Variants in LRRC4C observed in about 807,000 individuals in gnomAD.
LRRC4C encodes leucine-rich repeat-containing protein 4C.
In LRRC4C, 5 loss-of-function variants were observed where a neutral mutation model predicts 33.6. The observed-to-expected ratio is 0.15, with a 90% CI of 0.08 to 0.31. The LOEUF is 0.31. Ranked by LOEUF, LRRC4C falls within the 10% of genes least tolerant of loss-of-function variation. The pLI, the probability that LRRC4C is intolerant of heterozygous loss-of-function variation, is 1.00. For missense variants in LRRC4C, 560 were observed against 796.7 expected (o/e 0.70, Z 3.58); for synonymous variants, 329 against 302.0 (o/e 1.09, Z -0.93).
intron 1 of LRRC4C, among the ~76,000 whole-genome samples, chr11:40,962,290 C>A (rs949539398): frequency 6.6e-6 from 1 of 151,544 alleles, no homozygotes; most frequent in African/African-American, 2.4e-5. Context: ...AAAATAGATT[C>A]TCCCCTTCAT....
chr11:40,831,431 C>T (rs956778099), intron 2 of LRRC4C, among the ~76,000 whole-genome samples: 1 of 151,962 alleles, frequency 6.6e-6, no homozygotes, highest in Non-Finnish European at 1.5e-5. Context: ...CATTCCCCTC[C>T]TCAGAAGGTC....
chr11:41,193,318 A>G (rs1003954892), intron 1 of LRRC4C, among the ~76,000 whole-genome samples: 1 of 152,088 alleles, frequency 6.6e-6, no homozygotes, highest in African/African-American at 2.4e-5. Context: ...CCTAAAAACC[A>G]TCTGATTCAG....
chr11:41,456,473 C>A (rs1406528851), intron 1 of LRRC4C, among the ~76,000 whole-genome samples: 1 of 151,888 alleles, frequency 6.6e-6, no homozygotes, highest in Admixed American at 6.6e-5. Context: ...TACCCTGGGT[C>A]TTAAAAACAC....
At chr11:40,707,671 CT>C (rs57901852) in intron 2 of LRRC4C, among the ~76,000 whole-genome samples, 28,599 of 152,032 alleles carry the variant, frequency 0.19, 3,017 homozygotes, top group African/African-American at 0.27. Flanking sequence ...CTAAAATTCT[CT>C]TTTTTTGTTG....
chr11:40,147,068 T>C (rs553621773), intron 5 of LRRC4C, among the ~76,000 whole-genome samples: 103 of 152,320 alleles, frequency 6.8e-4, no homozygotes, highest in Non-Finnish European at 1.2e-3. Context: ...CCAAGTGTTC[T>C]CTTTACCAAA....
At chr11:41,410,257 T>C (rs1200494852) in intron 1 of LRRC4C, among the ~76,000 whole-genome samples, 1 of 152,202 alleles carries the variant, frequency 6.6e-6, no homozygotes, top group African/African-American at 2.4e-5. Context: ...ACAGGGTAGA[T>C]AACTTCATGG....
intron 2 of LRRC4C, among the ~76,000 whole-genome samples, chr11:40,846,949 G>C (rs1166336169): frequency 6.6e-6 from 1 of 151,698 alleles, no homozygotes; most frequent in Non-Finnish European, 1.5e-5. Flanking sequence ...TCATGATTTG[G>C]CTCTCTATTA....
At chr11:40,212,471 TA>T (rs1554975050) in intron 5 of LRRC4C, among the ~76,000 whole-genome samples, 23,384 of 144,620 alleles carry the variant, frequency 0.16, 2,251 homozygotes, top group South Asian at 0.3. Context: ...CAAGCAAAAT[TA>T]AAAAAAAAAA....
At chr11:40,371,338 A>G (rs545802867) in intron 3 of LRRC4C, among the ~76,000 whole-genome samples, 28 of 152,290 alleles carry the variant, frequency 1.8e-4, no homozygotes, top group South Asian at 1.0e-3. Context: ...CTGCAAATGT[A>G]GAAGGTTTGG....
intron 3 of LRRC4C, among the ~76,000 whole-genome samples, chr11:40,407,029 G>C (rs1949988257): frequency 6.6e-6 from 1 of 151,900 alleles, no homozygotes; most frequent in Admixed American, 6.6e-5. Flanking sequence ...CATTTTTTTT[G>C]TCCTGTCTTT....
chr11:40,389,196 C>T (rs542609630), intron 3 of LRRC4C, among the ~76,000 whole-genome samples: 73 of 152,044 alleles, frequency 4.8e-4, no homozygotes, highest in African/African-American at 1.7e-3. Flanking sequence ...ATCAGAGATC[C>T]CAGCAGGCAC....
chr11:40,558,443 A>C (rs1957414419), intron 3 of LRRC4C, among the ~76,000 whole-genome samples: 1 of 152,214 alleles, frequency 6.6e-6, no homozygotes, highest in Admixed American at 6.5e-5. Flanking sequence ...GAAAATATCC[A>C]GACCAAGCAC....
chr11:40,668,329 TA>T (rs1943922322), intron 2 of LRRC4C, among the ~76,000 whole-genome samples: 1 of 152,234 alleles, frequency 6.6e-6, no homozygotes, highest in African/African-American at 2.4e-5. Context: ...CTGTATCTAT[TA>T]TTGGATATCT....
intron 1 of LRRC4C, among the ~76,000 whole-genome samples, chr11:41,258,162 C>T (rs377098826): frequency 1.3e-5 from 2 of 151,880 alleles, no homozygotes; most frequent in Admixed American, 1.3e-4. Context: ...ATGGCTTTAA[C>T]CGGAGTATGC....
At chr11:40,875,106 A>G (rs1265885939) in intron 2 of LRRC4C, among the ~76,000 whole-genome samples, 1 of 152,168 alleles carries the variant, frequency 6.6e-6, no homozygotes, top group Non-Finnish European at 1.5e-5. Context: ...TTAGTACACA[A>G]GAATGCAATT....
At chr11:41,405,714 A>G (rs1476628676) in intron 1 of LRRC4C, among the ~76,000 whole-genome samples, 1 of 152,160 alleles carries the variant, frequency 6.6e-6, no homozygotes, top group East Asian at 1.9e-4. Context: ...GGAAGAATCT[A>G]TCATTTTGGA....
chr11:41,118,750 C>T (rs890940515), intron 1 of LRRC4C, among the ~76,000 whole-genome samples: 4 of 152,068 alleles, frequency 2.6e-5, no homozygotes, highest in African/African-American at 7.2e-5. Context: ...AGTAAAGCAA[C>T]TTTCATTGTG....
chr11:40,961,189 C>A (rs1850955202), intron 1 of LRRC4C, among the ~76,000 whole-genome samples: 1 of 151,646 alleles, frequency 6.6e-6, no homozygotes, highest in Non-Finnish European at 1.5e-5. Context: ...GTATTAAATC[C>A]ATGAGGCACT....
At chr11:41,056,697 C>G (rs1858644210) in intron 1 of LRRC4C, among the ~76,000 whole-genome samples, 2 of 152,106 alleles carry the variant, frequency 1.3e-5, no homozygotes, top group Admixed American at 6.5e-5. Flanking sequence ...AAATGCAAAC[C>G]AAAACCACAA....
Sources: allele counts gnomAD v4.1 joint callset (sites outside exome capture counted in the v4.1 genomes callset), GRCh38; gene constraint gnomAD v4.1.1; transcripts MANE v1.5; gene names NCBI Gene and HGNC (gene_info 2026-07-23, HGNC 2026-07-21).